Variants in CRYL1 observed in about 807,000 individuals in gnomAD.
The protein encoded by CRYL1 is lambda-crystallin homolog.
A neutral mutation model predicts 36.6 loss-of-function variants in CRYL1; 29 were observed. The ratio of observed to expected loss-of-function variants is 0.79; its 90% CI spans 0.59 to 1.08. The LOEUF is 1.08. Among genes scored for constraint, CRYL1 ranks in the 50% least tolerant of loss-of-function variants. The pLI, the probability that CRYL1 is intolerant of heterozygous loss-of-function variation, is 0.00. For missense variants in CRYL1, 411 were observed against 407.9 expected (o/e 1.01, Z -0.06); for synonymous variants, 152 against 151.5 (o/e 1.00, Z -0.02).
intron 5 of CRYL1, among the ~76,000 whole-genome samples, chr13:20,424,350 G>A (rs914832395): frequency 2.6e-5 from 4 of 152,200 alleles, no homozygotes; most frequent in Non-Finnish European, 5.9e-5. Flanking sequence ...AAGGAGCTGA[G>A]GAAGAGGACA....
Position 20,405,659 on chromosome 13 carries a change from C to T in CRYL1, c.740-918G>A, listed in dbSNP as rs540704609. ...GCGCTCATCTGCACAAGCCCCCATG[C>T]ACGCTCCCCACGCTCCTGCTGCTCC... On this transcript the variant is annotated intron_variant, in intron 6 of 7. Transcript: ENST00000298248. Among the ~76,000 whole-genome samples, 3 of 152,312 alleles carry T rather than the reference C, an allele frequency of 2.0e-5. No homozygotes were observed. The South Asian group carries it at 6.2e-4, about 32-fold the overall frequency.
At chr13:20,503,054 C>T (rs905915465) in intron 2 of CRYL1, among the ~76,000 whole-genome samples, 1 of 152,204 alleles carries the variant, frequency 6.6e-6, no homozygotes, top group Non-Finnish European at 1.5e-5. Flanking sequence ...ACTCGGAATC[C>T]TGCCGCCCAG....
At chr13:20,416,746 G>A (rs562171895) in intron 5 of CRYL1, among the ~76,000 whole-genome samples, 44 of 152,132 alleles carry the variant, frequency 2.9e-4, no homozygotes, top group Non-Finnish European at 6.0e-4. Flanking sequence ...TTGCAAAATA[G>A]AAAAAAGGTG....
intron 5 of CRYL1, among the ~76,000 whole-genome samples, chr13:20,420,860 C>A (rs572065460): frequency 6.6e-6 from 1 of 151,420 alleles, no homozygotes; most frequent in African/African-American, 2.4e-5. Context: ...CTCAGCCTCC[C>A]AAATAGCTGG....
intron 3 of CRYL1, among the ~76,000 whole-genome samples, chr13:20,486,559 C>T (rs2137468750): frequency 6.6e-6 from 1 of 151,898 alleles, no homozygotes; most frequent in South Asian, 2.1e-4. Context: ...CTATTCCTAC[C>T]CACTCCTTTC....
intron 2 of CRYL1, among the ~76,000 whole-genome samples, chr13:20,510,183 C>A (rs1175365398): frequency 6.6e-6 from 1 of 152,184 alleles, no homozygotes; most frequent in African/African-American, 2.4e-5. Context: ...GAGTTGGAAA[C>A]TTATGTCCAT....
intron 1 of CRYL1, among the ~76,000 whole-genome samples, chr13:20,524,699 C>T (rs2034157730): frequency 6.6e-6 from 1 of 152,028 alleles, no homozygotes; most frequent in South Asian, 2.1e-4. Flanking sequence ...TTTAATATGC[C>T]TTCACTATTC....
chr13:20,518,319 G>A (rs975057856), intron 1 of CRYL1, among the ~76,000 whole-genome samples: 7 of 152,124 alleles, frequency 4.6e-5, no homozygotes, highest in Non-Finnish European at 8.8e-5. Context: ...TGTTAAAAGC[G>A]CCACCAGGGA....
intron 3 of CRYL1, among the ~76,000 whole-genome samples, chr13:20,460,553 T>C (rs2032788397): frequency 7.8e-6 from 1 of 128,692 alleles, no homozygotes; most frequent in Non-Finnish European, 1.6e-5. Flanking sequence ...TGAGACGGAG[T>C]CTCGCTCTGT....
At chr13:20,451,625 G>T (rs1399167967) in intron 3 of CRYL1, among the ~76,000 whole-genome samples, 5 of 152,072 alleles carry the variant, frequency 3.3e-5, no homozygotes, top group Admixed American at 2.6e-4. Flanking sequence ...TACTAAAGTT[G>T]AAAAACAACA....
At chr13:20,430,180 T>A (rs1184120271) in intron 5 of CRYL1, 1 of 984,120 alleles carries the variant, frequency 1.0e-6, no homozygotes, top group East Asian at 1.1e-4. Flanking sequence ...CTGTAGATAA[T>A]CCTTATTTTT....
rs1007379930 is a variant in CRYL1 at position 20,435,421 on chromosome 13, C to T, written c.439-3125G>A. On this transcript the variant is annotated intron_variant, in intron 4 of 7. Transcript: ENST00000298248. The surrounding 1 kb of genome is among the most constrained non-coding windows in gnomAD (Gnocchi z 4.0). ...TCACACCGACTTCCATCCACACCTC[C>T]GTGTCCACCTACGGAAGCCGCCGCA... Among the ~76,000 whole-genome samples the T allele has an allele frequency of 1.3e-5, 2 of 152,162 alleles. No individual in the cohort carries two copies. Among genetic ancestry groups the T allele is most frequent in the Non-Finnish European group, 2.9e-5 (2 of 68,024 alleles).
chr13:20,451,208 ATT>A (rs1198035072), intron 3 of CRYL1, among the ~76,000 whole-genome samples: 1 of 151,374 alleles, frequency 6.6e-6, no homozygotes, highest in Non-Finnish European at 1.5e-5. Flanking sequence ...TTAAAGTATA[ATT>A]TAAAAATAAT....
intron 3 of CRYL1, among the ~76,000 whole-genome samples, chr13:20,480,297 C>A (rs529676080): frequency 6.6e-6 from 1 of 151,914 alleles, no homozygotes; most frequent in Non-Finnish European, 1.5e-5. Context: ...AGGAGAATCA[C>A]TTGAACCCAG....
chr13:20,436,204 C>G (rs183720042), intron 4 of CRYL1, among the ~76,000 whole-genome samples: 2 of 152,326 alleles, frequency 1.3e-5, no homozygotes, highest in East Asian at 1.9e-4. Context: ...GCCGCGGCCC[C>G]CTTCCCAAGC....
At chr13:20,419,910 C>G (rs1258142230) in intron 5 of CRYL1, among the ~76,000 whole-genome samples, 1 of 152,200 alleles carries the variant, frequency 6.6e-6, no homozygotes, top group Non-Finnish European at 1.5e-5. Context: ...AAGATCTGAC[C>G]CAGTGGTTCC....
chr13:20,453,468 A>ATATTCTAATAT (rs59029327), intron 3 of CRYL1, among the ~76,000 whole-genome samples: 14 of 151,570 alleles, frequency 9.2e-5, no homozygotes, highest in East Asian at 3.9e-4. Context: ...ATATTTTGAA[A>ATATTCTAATAT]ATGAAAACAC....
At chr13:20,431,028 G>A (rs1030432282) in intron 5 of CRYL1, 4 of 985,248 alleles carry the variant, frequency 4.1e-6, no homozygotes, top group Admixed American at 6.1e-5. Context: ...ACACAGAATC[G>A]AGGCAACCGC....
At chr13:20,487,692 TCGCTTGAAC>T (rs1259544924) in intron 3 of CRYL1, among the ~76,000 whole-genome samples, 6 of 152,038 alleles carry the variant, frequency 3.9e-5, no homozygotes, top group African/African-American at 1.5e-4. Context: ...GGCTCAAGAA[TCGCTTGAAC>T]CCAGGAGGCG....
Sources: allele counts gnomAD v4.1 joint callset (sites outside exome capture counted in the v4.1 genomes callset), GRCh38; gene constraint gnomAD v4.1.1; non-coding constraint Gnocchi (gnomAD v3.1); transcripts MANE v1.5; gene names NCBI Gene and HGNC (gene_info 2026-07-23, HGNC 2026-07-21).